NTM: variants seen among roughly 807,000 people sequenced by gnomAD.
The protein encoded by NTM is IgLON family member 2.
A neutral mutation model predicts 42.1 loss-of-function variants in NTM; 13 were observed. The ratio of observed to expected loss-of-function variants is 0.31; its 90% CI spans 0.20 to 0.49. NTM has a LOEUF of 0.49. Among genes scored for constraint, NTM ranks in the 20% least tolerant of loss-of-function variants. NTM has a pLI of 0.99. For synonymous variants in NTM, 187 were observed against 179.2 expected, an observed-to-expected ratio of 1.04 and a Z score of -0.35; for missense variants, 373 against 452.8, an observed-to-expected ratio of 0.82 and a Z score of 1.60.
chr11:131,563,421 C>T (rs1448374285), intron 1 of NTM, among the ~76,000 whole-genome samples: 1 of 152,062 alleles, frequency 6.6e-6, no homozygotes, highest in Non-Finnish European at 1.5e-5. Flanking sequence ...AAAAATCTTC[C>T]TATTTTACCA....
intron 1 of NTM, among the ~76,000 whole-genome samples, chr11:131,521,929 T>C (rs7952411): frequency 0.015 from 2,232 of 152,312 alleles, 60 homozygotes; most frequent in African/African-American, 0.049. Context: ...GGATTTTTCA[T>C]AAATTCATGT....
intron 4 of NTM, among the ~76,000 whole-genome samples, chr11:132,293,926 T>C (rs2094533353): frequency 6.6e-6 from 1 of 152,176 alleles, no homozygotes; most frequent in Non-Finnish European, 1.5e-5. Context: ...TACTAGTTGG[T>C]CTTTTATAGA....
Position 131,611,461 on chromosome 11 carries a change from G to A in NTM, c.82+240573G>A, listed in dbSNP as rs1038196822. 3.3e-5 allele frequency among the ~76,000 whole-genome samples: 5 copies of A among 152,222 alleles called. No individual in the cohort carries two copies. In the South Asian group the frequency reaches 6.2e-4, roughly 19 times the overall value. ...GTGGTAATTACAGGATAAATCCTCC[G>A]GCTCTCTGCCTCTCCGGCTCCTCTG... is the stretch of plus-strand genomic sequence containing the variant. On this transcript the variant is annotated intron_variant, in intron 1 of 8. Coordinates refer to ENST00000683400, the MANE Select transcript of NTM (RefSeq NM_001352005.2).
chr11:132,070,959 G>GAA (rs2057531827), intron 2 of NTM, among the ~76,000 whole-genome samples: 1 of 106,776 alleles, frequency 9.4e-6, no homozygotes, highest in Admixed American at 9.6e-5. Flanking sequence ...CAAACTGACC[G>GAA]TCACAGGTTA....
At chr11:131,665,774 G>A (rs759455981) in intron 1 of NTM, among the ~76,000 whole-genome samples, 9 of 152,170 alleles carry the variant, frequency 5.9e-5, no homozygotes, top group African/African-American at 1.7e-4. Context: ...AGAACTGGCC[G>A]TGGGCCACGG....
At chr11:131,583,848 C>G (rs780542375) in intron 1 of NTM, among the ~76,000 whole-genome samples, 2 of 152,112 alleles carry the variant, frequency 1.3e-5, no homozygotes, top group African/African-American at 2.4e-5. Context: ...TGTATGAAAC[C>G]CATAGATGAA....
chr11:132,017,549 C>T (rs1203072206), intron 2 of NTM, among the ~76,000 whole-genome samples: 1 of 151,998 alleles, frequency 6.6e-6, no homozygotes, highest in East Asian at 1.9e-4. Flanking sequence ...ATCACACATT[C>T]TTGATTACTG....
intron 1 of NTM, among the ~76,000 whole-genome samples, chr11:131,802,029 TA>T (rs1269779629): frequency 6.6e-6 from 1 of 151,966 alleles, no homozygotes; most frequent in Non-Finnish European, 1.5e-5. Context: ...TTAGGTGCAG[TA>T]TAATAAAAAA....
intron 1 of NTM, among the ~76,000 whole-genome samples, chr11:131,524,232 G>T (rs914070155): frequency 1.3e-5 from 2 of 152,146 alleles, no homozygotes; most frequent in African/African-American, 2.4e-5. Flanking sequence ...GCCCACATGG[G>T]CTCCTTCTTC....
At chr11:132,082,836 C>T (rs2136300722) in intron 2 of NTM, among the ~76,000 whole-genome samples, 1 of 152,192 alleles carries the variant, frequency 6.6e-6, no homozygotes, top group East Asian at 1.9e-4. Flanking sequence ...TAGCCTGAAG[C>T]CAAGAAAGGA....
chr11:131,405,330 A>G (rs1281344801), intron 1 of NTM, among the ~76,000 whole-genome samples: 1 of 152,200 alleles, frequency 6.6e-6, no homozygotes, highest in Non-Finnish European at 1.5e-5. Flanking sequence ...ATGTGTTTCA[A>G]ATGGAAATTG....
intron 1 of NTM, among the ~76,000 whole-genome samples, chr11:131,805,557 T>G (rs1371656633): frequency 6.6e-6 from 1 of 152,254 alleles, no homozygotes; most frequent in Non-Finnish European, 1.5e-5. Flanking sequence ...TGCCCTACTC[T>G]AATAATAAAA....
At chr11:131,664,753 G>GTTTT (rs199824869) in intron 1 of NTM, among the ~76,000 whole-genome samples, 63 of 112,880 alleles carry the variant, frequency 5.6e-4, no homozygotes, top group African/African-American at 2.0e-3. Flanking sequence ...CTCTTCCATT[G>GTTTT]TTTTTTTTTT....
chr11:131,490,572 G>C (rs910227621), intron 1 of NTM, among the ~76,000 whole-genome samples: 6 of 152,180 alleles, frequency 3.9e-5, no homozygotes, highest in Non-Finnish European at 7.3e-5. Flanking sequence ...CATCCAGAAA[G>C]GCCTTATCTG....
chr11:132,055,112 G>T (rs1212461270), intron 2 of NTM, among the ~76,000 whole-genome samples: 1 of 152,248 alleles, frequency 6.6e-6, no homozygotes, highest in Admixed American at 6.5e-5. Flanking sequence ...GATTGCAAAG[G>T]ATGGGGCTGG....
At chr11:131,888,403 C>A (rs1372669798) in intron 1 of NTM, among the ~76,000 whole-genome samples, 1 of 152,234 alleles carries the variant, frequency 6.6e-6, no homozygotes. Context: ...TCCCCTCCAG[C>A]TCATGACTCA....
chr11:131,775,380 G>A (rs2086797186), intron 1 of NTM, among the ~76,000 whole-genome samples: 1 of 152,146 alleles, frequency 6.6e-6, no homozygotes, highest in African/African-American at 2.4e-5. Flanking sequence ...TGCTTAACAA[G>A]GAAAAAGATT....
At position 131,865,843 on chromosome 11, in the gene NTM, CCA is replaced by C. The variant is rs370644531; in HGVS notation, c.83-45717_83-45716del. Reference sequence around the variant, plus strand: ...TACACACATGCTACACACACACCTCCCACACTCACACATGCTACATACACACA... The same window carrying C: ...TACACACATGCTACACACACACCTCCCACTCACACATGCTACATACACACA... On this transcript the variant is annotated intron_variant, in intron 1 of 8. Coordinates refer to ENST00000683400, the MANE Select transcript of NTM (RefSeq NM_001352005.2). Among the ~76,000 whole-genome samples the C allele has an allele frequency of 7.4e-3, 1,054 of 141,688 alleles. 17 individuals are homozygous for C. Among genetic ancestry groups the C allele is most frequent in the Non-Finnish European group, 0.012 (767 of 63,638 alleles). The allele number at this position is 141,688 out of a possible 152,430, so 93.0% of individuals were successfully genotyped here.
intron 2 of NTM, among the ~76,000 whole-genome samples, chr11:131,997,604 G>C (rs2068315282): frequency 6.6e-6 from 1 of 152,162 alleles, no homozygotes; most frequent in Admixed American, 6.5e-5. Context: ...TCTGAACCAT[G>C]TGGAACACTT....
Sources: allele counts gnomAD v4.1 joint callset (sites outside exome capture counted in the v4.1 genomes callset), GRCh38; gene constraint gnomAD v4.1.1; transcripts MANE v1.5; gene names NCBI Gene and HGNC (gene_info 2026-07-23, HGNC 2026-07-21).